NEURL4: variants seen among roughly 807,000 people sequenced by gnomAD.
NEURL4 encodes neuralized E3 ubiquitin protein ligase 4, also known as neuralized-like protein 4.
Under a neutral mutation model 148.0 loss-of-function variants are expected in NEURL4, and 45 were observed. The ratio of observed to expected loss-of-function variants is 0.30; its 90% confidence interval spans 0.24 to 0.39. The LOEUF is 0.39. Ranked by LOEUF, NEURL4 falls within the 10% of genes least tolerant of loss-of-function variation. The pLI is 1.00. For synonymous variants in NEURL4, 854 were observed against 869.0 expected, an observed-to-expected ratio of 0.98 and a Z score of 0.30; for missense variants, 1,776 against 2,144.0, an observed-to-expected ratio of 0.83 and a Z score of 3.39.
rs991354283 is a variant in NEURL4 at position 7,320,626 on chromosome 17, T to G, written c.3525+133A>C. 4 of 755,646 alleles carry G rather than the reference T, an allele frequency of 5.3e-6. No individual in the cohort carries two copies. In the South Asian group the frequency reaches 7.4e-5, roughly 14 times the overall value. 46.8% of individuals were successfully genotyped at this position (755,646 alleles called of 1,614,324 possible). On this transcript the variant is annotated intron_variant, in intron 21 of 28. Coordinates refer to ENST00000399464, the MANE Select transcript of NEURL4 (RefSeq NM_032442.3). ...GACTGATGACCCTCATTACAGGCTA[T>G]GAATAAAAGCCTAGGAAGCTCATCC...
rs773239913 is a variant in NEURL4 at position 7,323,708 on chromosome 17, T to A, written c.2277A>T (p.Gly759=). The A allele has an allele frequency of 3.7e-5, 60 of 1,613,850 alleles. No homozygotes were observed. Among genetic ancestry groups the A allele is most frequent in the Non-Finnish European group, 3.3e-5 (39 of 1,179,940 alleles). ...TCTGAATGACAATTTCAAACAGCTC[T>A]CCATCCCGCAGGGCCCTGCCAGGAG... ...IVISNRALRD[G]ELFEIVIQKM... Residue 759 remains glycine, a synonymous_variant, in exon 13 of 29, where the codon GGA becomes GGT. Coordinates refer to ENST00000399464, the MANE Select transcript of NEURL4 (RefSeq NM_032442.3).
chr17:7,324,187 G>A lies in NEURL4; in HGVS notation c.1983C>T (p.Ala661=). ...CATAGACGCCCGGGGGCACGTTCCA[G>A]GCAGCAGGGCCCTGAGTCATCCCAT... ...FVNGMTQGPA[A]WNVPPGVYAV... Residue 661 remains alanine, a synonymous_variant, in exon 11 of 29, where the codon GCC becomes GCT. Transcript: ENST00000399464. The surrounding 1 kb of genome is among the most constrained non-coding windows in gnomAD (Gnocchi z 5.9). 6.2e-7 allele frequency: 1 copy of A among 1,613,822 alleles called. No homozygotes were observed. The highest frequency in any genetic ancestry group is 8.5e-7 in the Non-Finnish European group (1 of 1,180,010).
chr17:7,325,620 C>G (rs1360954852), intron 7 of NEURL4, 21 bp downstream of exon 7: 3 of 1,609,038 alleles, frequency 1.9e-6, no homozygotes, highest in Non-Finnish European at 2.6e-6. Context: ...GGCCCAGAGG[C>G]TCTCTCTGGG....
At position 7,321,325 on chromosome 17, in the gene NEURL4, C is replaced by T. The variant is rs1377220866; in HGVS notation, c.3198+36G>A. The T allele has an allele frequency of 1.9e-6, 3 of 1,613,598 alleles. No homozygotes were observed. The highest frequency in any genetic ancestry group is 2.5e-6 in the Non-Finnish European group (3 of 1,179,794). ...TCAGAGATCAGCAGAAGACCTCAAC[C>T]ATCCTCCCAGAACCCAAGGAAGCGT... is the stretch of plus-strand genomic sequence containing the variant. On this transcript the variant is annotated intron_variant, in intron 19 of 28. Transcript: ENST00000399464. This position sits in a 1 kb window ranked among gnomAD's most constrained non-coding sequence, Gnocchi z 6.3.
In NEURL4 at chr17:7,327,184, G is replaced by C. The variant is rs1164737964; in HGVS notation, c.774C>G (p.Asn258Lys). 4 of 1,612,504 alleles carry C rather than the reference G, an allele frequency of 2.5e-6. No individual in the cohort carries two copies. Among genetic ancestry groups the C allele is most frequent in the South Asian group, 1.1e-5 (1 of 91,006 alleles). Residue 258 changes from asparagine (N) to lysine (K), a missense_variant, in exon 3 of 29, where the codon AAC becomes AAG. Asn to Lys is a moderately conservative substitution (Grantham distance 94). Coordinates refer to ENST00000399464, the MANE Select transcript of NEURL4 (RefSeq NM_032442.3). The surrounding 1 kb of genome is among the most constrained non-coding windows in gnomAD (Gnocchi z 6.6). ...CCTCACCATTATGCGACTCAAGGCT[G>C]TTAGGAAACGTCTCCGGCCGGGCCT... Reference protein sequence around the residue: ...PAQARPETFPNSLESHNDFAN... With the variant: ...PAQARPETFPKSLESHNDFAN...
intron 28 of NEURL4, among the ~76,000 whole-genome samples, 172 bp from the exon 29 acceptor site, chr17:7,316,499 C>G (rs774140429): frequency 6.6e-6 from 1 of 152,246 alleles, no homozygotes; most frequent in Non-Finnish European, 1.5e-5. Flanking sequence ...GCCTGCTCAG[C>G]TACACCCTTC....
In NEURL4 at chr17:7,323,509, A is replaced by G. The variant is rs2073058931; in HGVS notation, c.2393T>C (p.Ile798Thr). The G allele has an allele frequency of 6.2e-7, 1 of 1,614,204 alleles. No homozygotes were observed. The highest frequency in any genetic ancestry group is 8.5e-7 in the Non-Finnish European group (1 of 1,180,032). Residue 798 changes from isoleucine (I) to threonine (T), a missense_variant, in exon 14 of 29, where the codon ATT becomes ACT. By Grantham distance (89) the Ile-to-Thr change is moderately conservative. Transcript: ENST00000399464. ...DLEFPNTMTD[I>T]DYDTWMLSGT... is the part of the protein sequence containing the mutation. ...CCTCAGCATCCATGTGTCATAGTCA[A>G]TGTCTGTCATGGTGTTGGGGAATTC...
In NEURL4 at chr17:7,321,641, A is replaced by C; in HGVS notation, c.3018T>G (p.Thr1006=). Residue 1006 remains threonine, a synonymous_variant, in exon 18 of 29, where the codon ACT becomes ACG. Transcript: ENST00000399464. The surrounding 1 kb of genome is among the most constrained non-coding windows in gnomAD (Gnocchi z 6.3). ...PSLPELRTKT[T]WMVSSCEVRR... is the part of the protein sequence containing the mutation. ...TCACTTCACAGCTGGATACCATCCA[A>C]GTGGTCTTCGTCCGGAGCTCTGGCA... 1 of 1,614,006 alleles carries C rather than the reference A, an allele frequency of 6.2e-7. No individual in the cohort carries two copies. The highest frequency in any genetic ancestry group is 8.5e-7 in the Non-Finnish European group (1 of 1,180,028).
At position 7,318,173 on chromosome 17, in the gene NEURL4, C is replaced by G; in HGVS notation, c.3953-1G>C. 6.2e-7 allele frequency: 1 copy of G among 1,614,022 alleles called. No individual in the cohort carries two copies. Among genetic ancestry groups the G allele is most frequent in the South Asian group, 1.1e-5 (1 of 91,080 alleles). On this transcript the variant is annotated splice_acceptor_variant, in intron 24 of 28. Coordinates refer to ENST00000399464, the MANE Select transcript of NEURL4 (RefSeq NM_032442.3). LOFTEE classifies it high-confidence loss of function. The surrounding 1 kb of genome is among the most constrained non-coding windows in gnomAD (Gnocchi z 4.3). ...CCCCAGCACACACTCTCTTTGATAC[C>G]TGAGGGAGCAGAGGGGCACAGGTCA...
At chr17:7,323,770 G>A (rs1270175425) in intron 12 of NEURL4, 44 bp downstream of exon 12, 2 of 1,613,676 alleles carry the variant, frequency 1.2e-6, no homozygotes, top group Non-Finnish European at 1.7e-6. Context: ...CATGGCTGAG[G>A]CTGGGCAGGA....
rs766863088 is a variant in NEURL4, at chr17:7,323,867, G to A, written c.2208C>T (p.Ala736=). 1.9e-6 allele frequency: 3 copies of A among 1,613,946 alleles called. No individual in the cohort carries two copies. The highest frequency in any genetic ancestry group is 1.3e-5 in the African/African-American group (1 of 74,936). The change falls in exon 12 of 29, where the codon GCC becomes GCT. Residue 736 remains alanine (A), a synonymous_variant. Coordinates refer to ENST00000399464, the MANE Select transcript of NEURL4 (RefSeq NM_032442.3). ...ACTCGCTGCGACAGTTGTGGCGGAG[G>A]GCGGTGCGGCCCCCGTTAGTGATGA... ...NAVITNGGRT[A]LRHNCRSEFN... is the part of the protein sequence containing the mutation.
intron 21 of NEURL4, among the ~76,000 whole-genome samples, chr17:7,319,610 G>A (rs1224075287): frequency 6.7e-6 from 1 of 149,020 alleles, no homozygotes; most frequent in Non-Finnish European, 1.5e-5. Flanking sequence ...TGAGGCAGAA[G>A]AATCGCTTGA....
In NEURL4 at chr17:7,327,052, G is replaced by C. The variant is rs2073112075; in HGVS notation, c.794-43C>G. ...AAGAAGGAAGCTCGGAAGTTGGGAT[G>C]AGGCTCTACACCCCCAGACCTGGTG... On this transcript the variant is annotated intron_variant, in intron 3 of 28. Coordinates refer to ENST00000399464, the MANE Select transcript of NEURL4 (RefSeq NM_032442.3). This position sits in a 1 kb window ranked among gnomAD's most constrained non-coding sequence, Gnocchi z 6.6. The C allele has an allele frequency of 6.2e-7, 1 of 1,603,252 alleles. No homozygotes were observed. The highest frequency in any genetic ancestry group is 1.3e-5 in the African/African-American group (1 of 74,766).
chr17:7,322,810 C>CA lies in NEURL4; in HGVS notation c.2649dup (p.Ala884CysfsTer70), dbSNP rs1299533605. On this transcript the variant is annotated frameshift_variant, in exon 16 of 29. Coordinates refer to ENST00000399464, the MANE Select transcript of NEURL4 (RefSeq NM_032442.3). LOFTEE classifies it high-confidence loss of function. This position sits in a 1 kb window ranked among gnomAD's most constrained non-coding sequence, Gnocchi z 5.5. The stretch of plus-strand genomic sequence containing the variant: ...AGGCTGTTGTCCATGGGGCCGGTGG[C>CA]ATTGGTGATGGACACTTGGACACAC... 1 of 1,613,964 alleles carries CA rather than the reference C, an allele frequency of 6.2e-7. No individual in the cohort carries two copies. The highest frequency in any genetic ancestry group is 8.5e-7 in the Non-Finnish European group (1 of 1,180,004).
chr17:7,323,547 C>T lies in NEURL4; in HGVS notation c.2355G>A (p.Arg785=), dbSNP rs1016431291. The part of the protein sequence containing the change: ...GSIEAGVTAI[R]PEDLEFPNTM... ...TGTTGGGGAATTCCAGGTCTTCAGG[C>T]CGAATAGCAGTCACTCCTGGGAGGA... The change falls in exon 14 of 29, where the codon CGG becomes CGA. Residue 785 remains arginine (R), a synonymous_variant. Transcript: ENST00000399464. The T allele has an allele frequency of 1.2e-6, 2 of 1,614,092 alleles. No homozygotes were observed. The highest frequency in any genetic ancestry group is 3.3e-4 in the Middle Eastern group (2 of 6,084).
chr17:7,325,751 G>A (rs867205535), intron 6 of NEURL4, 38 bp from the exon 7 acceptor site: 1 of 1,542,106 alleles, frequency 6.5e-7, no homozygotes, highest in South Asian at 1.1e-5. Context: ...GGAGTCCTGA[G>A]GCCTGCTCAG....
At position 7,317,461 on chromosome 17, in the gene NEURL4, C is replaced by T; in HGVS notation, c.4318G>A (p.Gly1440Ser). 6.2e-7 allele frequency: 1 copy of T among 1,614,192 alleles called. No homozygotes were observed. The highest frequency in any genetic ancestry group is 8.5e-7 in the Non-Finnish European group (1 of 1,180,008). ...RVLDRGELGA[G>S]TASILSCRPL... ...CTTGCATGGGCCTACTCGCCAGTACCTGCTCCCAGCTCCCCTCGGTCCAGC... is the reference window on the plus strand; with the variant it reads ...CTTGCATGGGCCTACTCGCCAGTACTTGCTCCCAGCTCCCCTCGGTCCAGC... Residue 1440 changes from glycine to serine, a missense_variant and splice_region_variant, in exon 27 of 29, where the codon GGT (glycine) becomes AGT (serine). Coordinates refer to ENST00000399464, the MANE Select transcript of NEURL4 (RefSeq NM_032442.3).
chr17:7,323,131 G>A lies in NEURL4; in HGVS notation c.2418-8C>T. The A allele has an allele frequency of 6.2e-7, 1 of 1,607,370 alleles. No homozygotes were observed. The highest frequency in any genetic ancestry group is 8.5e-7 in the Non-Finnish European group (1 of 1,175,036). ...TGCATGATGGCTGTACCACTGGGGGGATGGCAGAAGGGGTGAGTCAGCCTG... is the reference window on the plus strand; with the variant it reads ...TGCATGATGGCTGTACCACTGGGGGAATGGCAGAAGGGGTGAGTCAGCCTG... On this transcript the variant is annotated splice_polypyrimidine_tract_variant and splice_region_variant and intron_variant, in intron 14 of 28. Coordinates refer to ENST00000399464, the MANE Select transcript of NEURL4 (RefSeq NM_032442.3).
At position 7,316,165 on chromosome 17, in the gene NEURL4, C is replaced by T. The variant is rs1388517712; in HGVS notation, c.4647G>A (p.Lys1549=). 2 of 1,599,554 alleles carry T rather than the reference C, an allele frequency of 1.3e-6. No individual in the cohort carries two copies. The highest frequency in any genetic ancestry group is 1.7e-5 in the Admixed American group (1 of 60,006). The change falls in exon 29 of 29, where the codon AAG becomes AAA. Residue 1549 remains lysine, a synonymous_variant. Transcript: ENST00000399464. ...GCAGGGCACAGAGGAGTGTGGCCCCCTTCTCCTTAGTGACCCACTCAAGTT... is the reference window on the plus strand; with the variant it reads ...GCAGGGCACAGAGGAGTGTGGCCCCTTTCTCCTTAGTGACCCACTCAAGTT... The part of the protein sequence containing the change: ...PAELEWVTKE[K]GATLLCALLV...
Sources: allele counts gnomAD v4.1 joint callset (sites outside exome capture counted in the v4.1 genomes callset), GRCh38; gene constraint gnomAD v4.1.1; non-coding constraint Gnocchi (gnomAD v3.1); transcripts MANE v1.5; gene names NCBI Gene and HGNC (gene_info 2026-07-23, HGNC 2026-07-21).